Variants in LPP observed in about 807,000 individuals in gnomAD.
LPP encodes the protein lipoma-preferred partner.
In LPP, 38 loss-of-function variants were observed where a neutral mutation model predicts 60.4. The ratio of observed to expected loss-of-function variants is 0.63; its 90% CI spans 0.49 to 0.83. The LOEUF is 0.83. Among genes scored for constraint, LPP ranks in the 40% least tolerant of loss-of-function variants. The pLI is 0.00. For synonymous variants in LPP, 328 were observed against 290.8 expected, an observed-to-expected ratio of 1.13 and a Z score of -1.30; for missense variants, 902 against 783.6, an observed-to-expected ratio of 1.15 and a Z score of -1.80.
intron 2 of LPP, among the ~76,000 whole-genome samples, chr3:188,251,049 C>G (rs1729433357): frequency 8.2e-6 from 1 of 122,488 alleles, no homozygotes; most frequent in East Asian, 2.7e-4. Context: ...TTCTTTCTCT[C>G]TCTTTCTCTC....
At chr3:188,667,128 T>C (rs2149202223) in intron 7 of LPP, among the ~76,000 whole-genome samples, 1 of 152,320 alleles carries the variant, frequency 6.6e-6, no homozygotes, top group East Asian at 1.9e-4. Flanking sequence ...AAGTTCATTT[T>C]ATCAACAAGT....
At position 188,752,170 on chromosome 3, in the gene LPP, A is replaced by G. The variant is rs78189625; in HGVS notation, c.1241-7943A>G. Among the ~76,000 whole-genome samples, 1,195 of 152,342 alleles carry G rather than the reference A, an allele frequency of 7.8e-3. 22 individuals are homozygous for G. Among genetic ancestry groups the G allele is most frequent in the African/African-American group, 0.027 (1,136 of 41,568 alleles). On this transcript the variant is annotated intron_variant, in intron 8 of 11. Transcript: ENST00000617246. ...CTCCGAATTTCATAGCCAAGTATTTAAGGCAGTTATGATCATCTCCCTCTT... is the reference window on the plus strand; with the variant it reads ...CTCCGAATTTCATAGCCAAGTATTTGAGGCAGTTATGATCATCTCCCTCTT...
intron 2 of LPP, among the ~76,000 whole-genome samples, chr3:188,249,884 C>CATATATATAT (rs71167082): frequency 8.5e-6 from 1 of 117,240 alleles, no homozygotes; most frequent in East Asian, 2.2e-4. Flanking sequence ...TCCCCCACCC[C>CATATATATAT]ATATATATAT....
intron 2 of LPP, among the ~76,000 whole-genome samples, chr3:188,288,649 C>T (rs189921475): frequency 1.3e-5 from 2 of 152,248 alleles, no homozygotes; most frequent in Non-Finnish European, 2.9e-5. Flanking sequence ...CACACCTATG[C>T]ACACACATCT....
chr3:188,676,371 G>A (rs1858102619), intron 7 of LPP, among the ~76,000 whole-genome samples: 1 of 152,150 alleles, frequency 6.6e-6, no homozygotes, highest in African/African-American at 2.4e-5. Flanking sequence ...CACATCTTAG[G>A]TAATTTAGAT....
At chr3:188,485,444 C>G (rs780522136) in intron 5 of LPP, among the ~76,000 whole-genome samples, 2 of 151,966 alleles carry the variant, frequency 1.3e-5, no homozygotes, top group African/African-American at 4.8e-5. Context: ...CGCATAGATA[C>G]ATTGAAGAAA....
intron 7 of LPP, among the ~76,000 whole-genome samples, chr3:188,698,750 T>A (rs1863801890): frequency 6.6e-6 from 1 of 152,344 alleles, no homozygotes; most frequent in South Asian, 2.1e-4. Flanking sequence ...AGCTTTACTT[T>A]ACTATTTGTC....
chr3:188,176,788 G>A (rs1235154400), intron 1 of LPP, among the ~76,000 whole-genome samples: 2 of 152,174 alleles, frequency 1.3e-5, no homozygotes, highest in Non-Finnish European at 2.9e-5. Flanking sequence ...CATTACTAAA[G>A]AGAATAAGAT....
chr3:188,855,378 A>G (rs1763589271), intron 9 of LPP, among the ~76,000 whole-genome samples: 1 of 152,232 alleles, frequency 6.6e-6, no homozygotes, highest in African/African-American at 2.4e-5. Flanking sequence ...AAGATGAACA[A>G]TAAGCATGGC....
intron 10 of LPP, among the ~76,000 whole-genome samples, chr3:188,867,682 A>G (rs1767026131): frequency 6.6e-6 from 1 of 152,220 alleles, no homozygotes; most frequent in Non-Finnish European, 1.5e-5. Context: ...TACTAAACCT[A>G]TAGATATGAT....
intron 2 of LPP, among the ~76,000 whole-genome samples, chr3:188,320,615 G>C (rs1756649519): frequency 6.6e-6 from 1 of 152,216 alleles, no homozygotes; most frequent in African/African-American, 2.4e-5. Flanking sequence ...GCCATTCACT[G>C]TTCAGGACAG....
intron 4 of LPP, among the ~76,000 whole-genome samples, chr3:188,473,016 T>C (rs2162262): frequency 1 from 152,267 of 152,268 alleles, 76,133 homozygotes; most frequent in Non-Finnish European, 1. Context: ...TGGTTCTACA[T>C]TCTTTGACTG....
intron 9 of LPP, among the ~76,000 whole-genome samples, chr3:188,827,902 C>T (rs552080971): frequency 3.9e-5 from 6 of 152,274 alleles, no homozygotes; most frequent in Admixed American, 1.3e-4. Flanking sequence ...ATATAAAAAA[C>T]GTTTTCCATT....
chr3:188,746,605 G>A (rs549633773), intron 8 of LPP: 3 of 471,872 alleles, frequency 6.4e-6, no homozygotes, highest in Admixed American at 4.8e-5. Context: ...AAATCACATA[G>A]CTGATGCAAG....
At chr3:188,765,856 C>G (rs55749541) in intron 9 of LPP, among the ~76,000 whole-genome samples, 41,607 of 121,322 alleles carry the variant, frequency 0.34, 8,239 homozygotes, top group Middle Eastern at 0.43. Context: ...ACTTAATGTT[C>G]AACTCTTTTT....
At chr3:188,551,570 T>C (rs571572542) in intron 6 of LPP, among the ~76,000 whole-genome samples, 101 of 152,336 alleles carry the variant, frequency 6.6e-4, no homozygotes, top group African/African-American at 2.2e-3. Context: ...AATATGGACC[T>C]TCTCATAGGG....
At chr3:188,745,251 C>T (rs1725773765) in intron 8 of LPP, among the ~76,000 whole-genome samples, 1 of 152,034 alleles carries the variant, frequency 6.6e-6, no homozygotes, top group Non-Finnish European at 1.5e-5. Flanking sequence ...CTTTATATTC[C>T]TGGTTTGACA....
intron 6 of LPP, among the ~76,000 whole-genome samples, chr3:188,600,504 C>G (rs1392676822): frequency 6.6e-6 from 1 of 151,356 alleles, no homozygotes; most frequent in Admixed American, 6.6e-5. Flanking sequence ...AATTTTAAAA[C>G]AAAGAAAAAT....
intron 1 of LPP, among the ~76,000 whole-genome samples, chr3:188,203,884 A>G (rs1179279106): frequency 6.6e-6 from 1 of 151,886 alleles, no homozygotes; most frequent in African/African-American, 2.4e-5. Context: ...TTACTATAAA[A>G]TTTGTAAAAT....
Sources: allele counts gnomAD v4.1 joint callset (sites outside exome capture counted in the v4.1 genomes callset), GRCh38; gene constraint gnomAD v4.1.1; transcripts MANE v1.5; gene names NCBI Gene and HGNC (gene_info 2026-07-23, HGNC 2026-07-21).